The following ZNHIT6 variants were observed in gnomAD, a reference collection of about 807,000 sequenced individuals.
ZNHIT6 encodes the protein zinc finger HIT-type containing 6.
In ZNHIT6, 45 loss-of-function variants were observed where a neutral mutation model predicts 57.2. The observed-to-expected ratio is 0.79, with a 90% CI of 0.62 to 1.01. The LOEUF is 1.01. ZNHIT6 is among the 50% of genes least tolerant of loss of function. The probability of loss-of-function intolerance (pLI) is 0.00; values close to 1 mark genes in which losing one functional copy is unlikely to be tolerated. For synonymous variants in ZNHIT6, 188 were observed against 190.0 expected, an observed-to-expected ratio of 0.99 and a Z score of 0.09; for missense variants, 528 against 567.3, an observed-to-expected ratio of 0.93 and a Z score of 0.70.
chr1:85,708,057 C>G lies in ZNHIT6; in HGVS notation c.228G>C (p.Thr76=), dbSNP rs376541895. 1 of 1,614,166 alleles carries G rather than the reference C, an allele frequency of 6.2e-7. No individual in the cohort carries two copies. Among genetic ancestry groups the G allele is most frequent in the Non-Finnish European group, 8.5e-7 (1 of 1,180,030 alleles). ...QRPEEIPMDL[T]VVKQEIIDWP... ...AGTCTATAATTTCCTGCTTCACTAC[C>G]GTTAGGTCCATCGGTATTTCCTCTG... Residue 76 remains threonine, a synonymous_variant, in exon 1 of 10, where the codon ACG becomes ACC. Transcript: ENST00000370574.
intron 5 of ZNHIT6, among the ~76,000 whole-genome samples, chr1:85,691,943 T>C (rs189049298): frequency 2.8e-4 from 42 of 151,374 alleles, no homozygotes; most frequent in Non-Finnish European, 5.2e-4. Flanking sequence ...CCAAAGCGGG[T>C]GGATTACCTG....
intron 5 of ZNHIT6, among the ~76,000 whole-genome samples, chr1:85,682,829 C>T (rs1345869676): frequency 1.3e-5 from 2 of 152,138 alleles, no homozygotes; most frequent in Non-Finnish European, 2.9e-5. Flanking sequence ...TTTATTTCTT[C>T]TAAGAAATAA....
intron 5 of ZNHIT6, among the ~76,000 whole-genome samples, chr1:85,695,422 T>C (rs1460196451): frequency 6.6e-6 from 1 of 152,188 alleles, no homozygotes; most frequent in Non-Finnish European, 1.5e-5. Context: ...CTGGTATATA[T>C]GTGGGTAGAT....
rs1660902268 is a variant in ZNHIT6, at chr1:85,651,328, C to G, written c.*2730G>C. On this transcript the variant is annotated 3_prime_UTR_variant, in exon 10 of 10. Coordinates refer to ENST00000370574, the MANE Select transcript of ZNHIT6 (RefSeq NM_017953.4). Reference sequence around the variant, plus strand: ...TCTCAGCTCACTGCAAACTCTGCCACCAGGGTTCAAGTGATTCTCGTGCCC... The same window carrying G: ...TCTCAGCTCACTGCAAACTCTGCCAGCAGGGTTCAAGTGATTCTCGTGCCC... 2 of 151,934 alleles carry G rather than the reference C, an allele frequency of 1.3e-5. No homozygotes were observed. The highest frequency in any genetic ancestry group is 2.9e-5 in the Non-Finnish European group (2 of 67,998). 9.4% of individuals were successfully genotyped at this position (151,934 alleles called of 1,614,324 possible). A position where few individuals can be genotyped will look rare whatever the true frequency, so the allele number is the denominator to read the frequency against.
intron 5 of ZNHIT6, among the ~76,000 whole-genome samples, chr1:85,688,515 T>C (rs1309212014): frequency 6.6e-6 from 1 of 152,252 alleles, no homozygotes; most frequent in East Asian, 1.9e-4. Context: ...TTAAAAGGTA[T>C]AGTAGACATT....
chr1:85,675,928 T>C (rs942965723), intron 8 of ZNHIT6, among the ~76,000 whole-genome samples: 6 of 152,202 alleles, frequency 3.9e-5, no homozygotes, highest in African/African-American at 1.4e-4. Flanking sequence ...TCTCTCAGCC[T>C]TCATAGAGTT....
At chr1:85,671,957 T>C (rs954437120) in intron 8 of ZNHIT6, among the ~76,000 whole-genome samples, 1 of 152,150 alleles carries the variant, frequency 6.6e-6, no homozygotes, top group African/African-American at 2.4e-5. Context: ...ATGGTGAAAC[T>C]TTTGGTCTAA....
Position 85,685,939 on chromosome 1 carries a change from A to T in ZNHIT6, c.1020-5035T>A, listed in dbSNP as rs1662021375. ...GGATGGCAGTGATAGAAAGAACAGG[A>T]ATAATTTTAACATTCTTTTTTTTTT... On this transcript the variant is annotated intron_variant, in intron 5 of 9. Coordinates refer to ENST00000370574, the MANE Select transcript of ZNHIT6 (RefSeq NM_017953.4). 2.0e-5 allele frequency among the ~76,000 whole-genome samples: 3 copies of T among 151,806 alleles called. No homozygotes were observed. The South Asian group carries it at 6.2e-4, about 32-fold the overall frequency.
chr1:85,689,557 T>C (rs1368710733), intron 5 of ZNHIT6, among the ~76,000 whole-genome samples: 1 of 152,178 alleles, frequency 6.6e-6, no homozygotes, highest in Non-Finnish European at 1.5e-5. Flanking sequence ...CACTACTGCA[T>C]GAAAATAATA....
At chr1:85,693,892 G>A (rs1557866974) in intron 5 of ZNHIT6, among the ~76,000 whole-genome samples, 1 of 152,240 alleles carries the variant, frequency 6.6e-6, no homozygotes, top group African/African-American at 2.4e-5. Context: ...GCCGAGGTGG[G>A]AGGACTGCTT....
At chr1:85,664,724 A>G (rs1021992996) in intron 8 of ZNHIT6, among the ~76,000 whole-genome samples, 1 of 152,128 alleles carries the variant, frequency 6.6e-6, no homozygotes, top group Non-Finnish European at 1.5e-5. Flanking sequence ...CCCTTGTGAC[A>G]TGATTTTACC....
At chr1:85,690,294 C>T (rs1473180184) in intron 5 of ZNHIT6, among the ~76,000 whole-genome samples, 1 of 152,156 alleles carries the variant, frequency 6.6e-6, no homozygotes, top group Non-Finnish European at 1.5e-5. Flanking sequence ...TCTCCTATCG[C>T]TCACCAAACC....
intron 4 of ZNHIT6, among the ~76,000 whole-genome samples, chr1:85,703,706 C>A (rs140827112): frequency 1.3e-5 from 2 of 152,214 alleles, no homozygotes; most frequent in African/African-American, 4.8e-5. Flanking sequence ...AGAATAACTT[C>A]CTAACTTCAA....
chr1:85,669,453 G>T (rs1407472973), intron 8 of ZNHIT6, among the ~76,000 whole-genome samples: 5 of 152,078 alleles, frequency 3.3e-5, no homozygotes, highest in Non-Finnish European at 7.4e-5. Context: ...TCATCCAAGA[G>T]AAATAGCTCA....
At chr1:85,703,653 T>C (rs945577868) in intron 4 of ZNHIT6, among the ~76,000 whole-genome samples, 1 of 152,260 alleles carries the variant, frequency 6.6e-6, no homozygotes, top group African/African-American at 2.4e-5. Context: ...AAGACATAAG[T>C]GTAAAACACA....
In ZNHIT6 at chr1:85,649,828, A is replaced by G. The variant is rs1246412515; in HGVS notation, c.*4230T>C. On this transcript the variant is annotated 3_prime_UTR_variant, in exon 10 of 10. Transcript: ENST00000370574. ...TGTGCATCTGCTCAAACTAGCAACAACATGATGTCAAATAAAAATGGATGG... is the reference window on the plus strand; with the variant it reads ...TGTGCATCTGCTCAAACTAGCAACAGCATGATGTCAAATAAAAATGGATGG... The G allele has an allele frequency of 6.6e-6, 1 of 152,122 alleles. No homozygotes were observed. The highest frequency in any genetic ancestry group is 2.4e-5 in the African/African-American group (1 of 41,404). 9.4% of individuals were successfully genotyped at this position (152,122 alleles called of 1,614,324 possible). A position where few individuals can be genotyped will look rare whatever the true frequency, so the allele number is the denominator to read the frequency against.
chr1:85,658,031 A>C (rs1322877908), intron 8 of ZNHIT6, 60 bp from the exon 9 acceptor site: 5 of 1,162,356 alleles, frequency 4.3e-6, no homozygotes, highest in Non-Finnish European at 6.0e-6. Flanking sequence ...AATTACTAAT[A>C]GATAAATATA....
At chr1:85,694,665 T>C (rs1662314435) in intron 5 of ZNHIT6, among the ~76,000 whole-genome samples, 1 of 152,296 alleles carries the variant, frequency 6.6e-6, no homozygotes, top group East Asian at 1.9e-4. Flanking sequence ...TTTCACCATG[T>C]TAGCCAGGAT....
chr1:85,696,804 T>A (rs977784609), intron 5 of ZNHIT6, among the ~76,000 whole-genome samples: 1 of 151,858 alleles, frequency 6.6e-6, no homozygotes, highest in Non-Finnish European at 1.5e-5. Flanking sequence ...ATAATGTTTA[T>A]CAGCTAAATA....
Sources: gnomAD v4.1 joint callset for allele counts (sites outside exome capture counted in the v4.1 genomes callset) on GRCh38, gnomAD v4.1.1 for gene constraint, MANE v1.5 for transcripts, NCBI Gene and HGNC (gene_info 2026-07-23, HGNC 2026-07-21) for gene names.